LRRC37A2: variants seen among roughly 807,000 people sequenced by gnomAD.
The protein encoded by LRRC37A2 is leucine-rich repeat-containing protein 37A2.
Under a neutral mutation model 68.8 loss-of-function variants are expected in LRRC37A2, and 9 were observed. The observed-to-expected ratio is 0.13, with a 90% CI of 0.08 to 0.23. The LOEUF (loss-of-function observed/expected upper bound fraction) is 0.23, where lower values mean the gene tolerates loss of function less well. Among genes scored for constraint, LRRC37A2 ranks in the 10% least tolerant of loss-of-function variants. The pLI, the probability that LRRC37A2 is intolerant of heterozygous loss-of-function variation, is 1.00. For synonymous variants in LRRC37A2, 63 were observed against 367.6 expected (o/e 0.17, Z 9.48); for missense variants, 168 against 950.4 (o/e 0.18, Z 10.82).
the LRRC37A2 span, among the ~76,000 whole-genome samples, chr17:46,902,744 C>T: frequency 6.6e-6 from 1 of 152,106 alleles, no homozygotes; most frequent in African/African-American, 2.4e-5. Context: ...GAGTAGCCAA[C>T]CCTGTGGTCA....
the LRRC37A2 span, among the ~76,000 whole-genome samples, chr17:46,506,319 C>T: frequency 1.2e-5 from 1 of 80,240 alleles, no homozygotes; most frequent in Middle Eastern, 5.3e-3. Context: ...TTATCTGTAC[C>T]AAACCTTTTT....
At chr17:46,621,216 CA>C in the LRRC37A2 span, among the ~76,000 whole-genome samples, 1 of 149,786 alleles carries the variant, frequency 6.7e-6, no homozygotes, top group Non-Finnish European at 1.5e-5. Context: ...GACTTAATTG[CA>C]GCAATAGTTT....
the LRRC37A2 span, chr17:46,936,963 A>T: frequency 3.9e-6 from 1 of 256,734 alleles, no homozygotes; most frequent in Non-Finnish European, 6.0e-6. Context: ...ATGTGTATTT[A>T]TTAAAAAAAA....
chr17:46,543,730 A>G (rs1598477866), intron 8 of LRRC37A2, among the ~76,000 whole-genome samples: 1 of 151,020 alleles, frequency 6.6e-6, no homozygotes, highest in African/African-American at 2.5e-5. Context: ...GATGAAAGTT[A>G]TACAGGTGTT....
the LRRC37A2 span, among the ~76,000 whole-genome samples, chr17:46,671,881 G>C: frequency 2.8e-5 from 4 of 144,426 alleles, no homozygotes; most frequent in Non-Finnish European, 6.3e-5. Context: ...TCTCAGTCTT[G>C]CAAATGTATT....
At chr17:46,496,608 A>AG in the LRRC37A2 span, among the ~76,000 whole-genome samples, 1 of 79,728 alleles carries the variant, frequency 1.3e-5, no homozygotes, top group South Asian at 5.0e-4. Flanking sequence ...ATCTCAAAAG[A>AG]AAAAAAAAAA....
chr17:46,830,713 T>C, the LRRC37A2 span: 12 of 398,552 alleles, frequency 3.0e-5, no homozygotes, highest in Non-Finnish European at 5.3e-5. Flanking sequence ...TGGCTAGTGG[T>C]GACACTTCTC....
the LRRC37A2 span, among the ~76,000 whole-genome samples, chr17:47,022,690 G>C: frequency 6.6e-6 from 1 of 152,136 alleles, no homozygotes; most frequent in Admixed American, 6.5e-5. Flanking sequence ...ATCTTACAAC[G>C]TGATTCTTTC....
chr17:46,894,147 C>T, the LRRC37A2 span, among the ~76,000 whole-genome samples: 69 of 152,292 alleles, frequency 4.5e-4, no homozygotes, highest in African/African-American at 1.5e-3. Flanking sequence ...TGTTGGGTTG[C>T]GATGGTATAA....
the LRRC37A2 span, chr17:46,757,209 G>T: frequency 2.0e-5 from 3 of 152,294 alleles, no homozygotes; most frequent in Non-Finnish European, 4.4e-5. Context: ...TTTGTTTTGG[G>T]TTTTCTTCCC....
At chr17:46,784,919 GCACC>G in the LRRC37A2 span, among the ~76,000 whole-genome samples, 24 of 152,106 alleles carry the variant, frequency 1.6e-4, no homozygotes, top group Non-Finnish European at 3.2e-4. Flanking sequence ...GGGACTACAG[GCACC>G]CGCCACCATG....
the LRRC37A2 span, among the ~76,000 whole-genome samples, chr17:46,873,132 ACG>A: frequency 6.8e-6 from 1 of 146,014 alleles, no homozygotes; most frequent in African/African-American, 2.5e-5. Context: ...ACACACACAC[ACG>A]AAACAAGGCA....
the LRRC37A2 span, among the ~76,000 whole-genome samples, chr17:46,946,457 G>T: frequency 1.1e-5 from 1 of 89,912 alleles, no homozygotes; most frequent in South Asian, 4.2e-4. Flanking sequence ...GCAAAACTCC[G>T]TCTCAAAAAA....
the LRRC37A2 span, among the ~76,000 whole-genome samples, chr17:47,029,915 T>C: frequency 6.6e-6 from 1 of 151,446 alleles, no homozygotes; most frequent in African/African-American, 2.4e-5. Flanking sequence ...ATACAAAAAT[T>C]AGCTGGGCAT....
At chr17:46,926,366 T>C in the LRRC37A2 span, among the ~76,000 whole-genome samples, 1 of 152,186 alleles carries the variant, frequency 6.6e-6, no homozygotes, top group Non-Finnish European at 1.5e-5. Flanking sequence ...GTGGATGTTA[T>C]GGGGTGGTGG....
chr17:46,910,860 G>T, the LRRC37A2 span, among the ~76,000 whole-genome samples: 69 of 152,360 alleles, frequency 4.5e-4, no homozygotes, highest in African/African-American at 1.6e-3. Context: ...CTCATGCAGT[G>T]CAGGGAAGCA....
the LRRC37A2 span, among the ~76,000 whole-genome samples, chr17:46,749,383 T>G: frequency 6.6e-6 from 1 of 152,228 alleles, no homozygotes. Flanking sequence ...ACTAAAGCCT[T>G]GTAAAGCCAG....
chr17:46,889,521 C>T, the LRRC37A2 span, among the ~76,000 whole-genome samples: 1 of 152,220 alleles, frequency 6.6e-6, no homozygotes, highest in Non-Finnish European at 1.5e-5. Flanking sequence ...CATCAGCCCC[C>T]AGTTGGCTAA....
At chr17:46,975,507 G>A in the LRRC37A2 span, 1 of 152,658 alleles carries the variant, frequency 6.6e-6, no homozygotes, top group Non-Finnish European at 1.5e-5. Context: ...CCTGCCCCAA[G>A]GATTATATAA....
Sources: allele counts gnomAD v4.1 joint callset (sites outside exome capture counted in the v4.1 genomes callset), GRCh38; gene constraint gnomAD v4.1.1; transcripts MANE v1.5; gene names NCBI Gene and HGNC (gene_info 2026-07-23, HGNC 2026-07-21).